Variants in HS3ST4 observed in about 807,000 individuals in gnomAD.
HS3ST4 encodes the protein heparan sulfate-glucosamine 3-sulfotransferase 4, also known as heparan sulfate glucosamine 3-O-sulfotransferase 4.
A neutral mutation model predicts 29.2 loss-of-function variants in HS3ST4; 17 were observed. The ratio of observed to expected loss-of-function variants is 0.58; its 90% confidence interval spans 0.40 to 0.87. The LOEUF (loss-of-function observed/expected upper bound fraction) is 0.87. Among genes scored for constraint, HS3ST4 ranks in the 40% least tolerant of loss-of-function variants. The pLI, the probability that HS3ST4 is intolerant of heterozygous loss-of-function variation, is 0.00. For missense variants in HS3ST4, 627 were observed against 634.5 expected, an observed-to-expected ratio of 0.99 and a Z score of 0.13; for synonymous variants, 314 against 285.7, an observed-to-expected ratio of 1.10 and a Z score of -1.00.
At chr16:26,030,134 G>T (rs1335536997) in intron 1 of HS3ST4, among the ~76,000 whole-genome samples, 1 of 152,142 alleles carries the variant, frequency 6.6e-6, no homozygotes, top group East Asian at 1.9e-4. Flanking sequence ...GTGATCACTG[G>T]GTATGGTGGT....
chr16:26,124,912 CTTATTT>C (rs1899322570), intron 1 of HS3ST4, among the ~76,000 whole-genome samples: 2 of 152,188 alleles, frequency 1.3e-5, no homozygotes, highest in Admixed American at 1.3e-4. Flanking sequence ...TTTCTCTTTT[CTTATTT>C]TTATTTGTCT....
chr16:25,715,980 A>G (rs1007791331), intron 1 of HS3ST4, among the ~76,000 whole-genome samples: 11 of 152,204 alleles, frequency 7.2e-5, no homozygotes, highest in Non-Finnish European at 1.5e-5. Context: ...CGTGGCAGGG[A>G]AAGAGGTCAG....
intron 1 of HS3ST4, among the ~76,000 whole-genome samples, chr16:25,860,580 G>C (rs1967626605): frequency 6.6e-6 from 1 of 152,014 alleles, no homozygotes; most frequent in East Asian, 1.9e-4. Flanking sequence ...AGATATGAAG[G>C]AACCTTAAAT....
chr16:26,048,974 A>G (rs1484089055), intron 1 of HS3ST4, among the ~76,000 whole-genome samples: 1 of 152,120 alleles, frequency 6.6e-6, no homozygotes, highest in Non-Finnish European at 1.5e-5. Flanking sequence ...TCCCTTATTG[A>G]GAAAAAACGG....
intron 1 of HS3ST4, among the ~76,000 whole-genome samples, chr16:26,023,518 A>G (rs140086717): frequency 0.013 from 2,034 of 151,610 alleles, 23 homozygotes; most frequent in Middle Eastern, 0.031. Context: ...TCCCACCTCT[A>G]CCTCCCAAGT....
intron 1 of HS3ST4, among the ~76,000 whole-genome samples, chr16:26,123,815 C>T (rs931132598): frequency 3.3e-5 from 5 of 152,202 alleles, no homozygotes; most frequent in African/African-American, 9.6e-5. Context: ...TGACTTCCAG[C>T]TCCATTGAAG....
intron 1 of HS3ST4, among the ~76,000 whole-genome samples, chr16:25,949,245 T>C (rs1968660454): frequency 6.6e-6 from 1 of 152,150 alleles, no homozygotes; most frequent in African/African-American, 2.4e-5. Context: ...TATTTTAAAA[T>C]GTACAATTCA....
intron 1 of HS3ST4, among the ~76,000 whole-genome samples, chr16:26,077,974 G>A (rs1429564020): frequency 6.6e-6 from 1 of 152,142 alleles, no homozygotes; most frequent in Admixed American, 6.5e-5. Context: ...CCTAATGTGG[G>A]AGGATCACTT....
At chr16:25,873,214 C>T (rs1187645829) in intron 1 of HS3ST4, among the ~76,000 whole-genome samples, 2 of 152,014 alleles carry the variant, frequency 1.3e-5, no homozygotes, top group African/African-American at 4.8e-5. Flanking sequence ...ACTCATTAGG[C>T]CATCTGTCCA....
rs565642564 is a variant in HS3ST4 at position 26,116,441 on chromosome 16, A to T, written c.735-19171A>T. Among the ~76,000 whole-genome samples, 11 of 152,334 alleles carry T rather than the reference A, an allele frequency of 7.2e-5. No homozygotes were observed. In the East Asian group the frequency reaches 2.1e-3, roughly 29 times the overall value. ...GGTTATGCAAGGACATAGTACCAGG[A>T]GGTGGGGAGTCATATTAGAGTCTGT... On this transcript the variant is annotated intron_variant, in intron 1 of 1. Transcript: ENST00000331351.
intron 1 of HS3ST4, among the ~76,000 whole-genome samples, chr16:25,707,338 ATT>A (rs1427156824): frequency 6.6e-6 from 1 of 152,214 alleles, no homozygotes; most frequent in Non-Finnish European, 1.5e-5. Flanking sequence ...ATTATAATAT[ATT>A]GTTATAATTC....
chr16:25,862,699 G>C (rs1397854429), intron 1 of HS3ST4, among the ~76,000 whole-genome samples: 1 of 152,202 alleles, frequency 6.6e-6, no homozygotes, highest in African/African-American at 2.4e-5. Flanking sequence ...ACAGACATTT[G>C]CATTATTTCC....
intron 1 of HS3ST4, among the ~76,000 whole-genome samples, chr16:26,107,419 G>A (rs1460869920): frequency 6.6e-6 from 1 of 151,968 alleles, no homozygotes; most frequent in Admixed American, 6.6e-5. Flanking sequence ...TAGCTTTTGG[G>A]GTACAAGTGG....
At chr16:26,097,342 G>A (rs1596679707) in intron 1 of HS3ST4, among the ~76,000 whole-genome samples, 1 of 152,086 alleles carries the variant, frequency 6.6e-6, no homozygotes, top group South Asian at 2.1e-4. Context: ...ATACTACAAG[G>A]CTACAGTAAC....
At chr16:25,831,466 A>G (rs1432234875) in intron 1 of HS3ST4, among the ~76,000 whole-genome samples, 4 of 151,432 alleles carry the variant, frequency 2.6e-5, no homozygotes, top group Non-Finnish European at 5.9e-5. Flanking sequence ...TCACATTCAC[A>G]TGTAGTCCCA....
intron 1 of HS3ST4, among the ~76,000 whole-genome samples, chr16:26,113,290 C>T (rs1754148437): frequency 6.6e-6 from 1 of 151,958 alleles, no homozygotes; most frequent in Non-Finnish European, 1.5e-5. Context: ...ACTAAAAATA[C>T]CAAAATTTAG....
At chr16:25,772,694 G>C (rs1040974113) in intron 1 of HS3ST4, among the ~76,000 whole-genome samples, 2 of 152,214 alleles carry the variant, frequency 1.3e-5, no homozygotes, top group African/African-American at 4.8e-5. Flanking sequence ...TAGGATTCTA[G>C]AAAGAGTCTT....
intron 1 of HS3ST4, among the ~76,000 whole-genome samples, chr16:25,744,160 T>C (rs1486770533): frequency 4.6e-5 from 7 of 152,260 alleles, no homozygotes; most frequent in Non-Finnish European, 7.3e-5. Context: ...CCTTTATTAA[T>C]GTAACCTGAC....
At chr16:25,730,709 C>T (rs1413518292) in intron 1 of HS3ST4, among the ~76,000 whole-genome samples, 2 of 143,758 alleles carry the variant, frequency 1.4e-5, no homozygotes, top group Non-Finnish European at 1.5e-5. Flanking sequence ...TCCTTCCTTC[C>T]GTCCTTCCTT....
Sources: allele counts gnomAD v4.1 joint callset (sites outside exome capture counted in the v4.1 genomes callset), GRCh38; gene constraint gnomAD v4.1.1; transcripts MANE v1.5; gene names NCBI Gene and HGNC (gene_info 2026-07-23, HGNC 2026-07-21).